Variants in SRP54 observed in about 807,000 individuals in gnomAD.
SRP54 encodes signal recognition particle 54.
In SRP54, 10 loss-of-function variants were observed where a neutral mutation model predicts 64.8. That is an observed-to-expected ratio of 0.15 (90% confidence interval 0.10 to 0.26). The LOEUF is 0.26. Among genes scored for constraint, SRP54 ranks in the 10% least tolerant of loss-of-function variants. SRP54 has a pLI of 1.00. For missense variants in SRP54, 325 were observed against 613.7 expected, an observed-to-expected ratio of 0.53 and a Z score of 4.97; for synonymous variants, 193 against 185.6, an observed-to-expected ratio of 1.04 and a Z score of -0.32.
Position 35,007,636 on chromosome 14 carries a change from ATATTAT to A in SRP54, c.360+250_360+255del, listed in dbSNP as rs2044282866. Among the ~76,000 whole-genome samples the A allele has an allele frequency of 2.5e-5, 3 of 118,898 alleles. No homozygotes were observed. The Admixed American group carries it at 2.5e-4, about 10-fold the overall frequency. The allele number at this position is 118,898 out of a possible 152,430, so 78.0% of individuals were successfully genotyped here. On this transcript the variant is annotated intron_variant, in intron 5 of 15. Coordinates refer to ENST00000216774, the MANE Select transcript of SRP54 (RefSeq NM_003136.4). Reference sequence around the variant, plus strand: ...AAATATATTTTATTAAAATATATTTATATTATAATAAAATATATTTACATAAAATAG... The same window carrying A: ...AAATATATTTTATTAAAATATATTTAAATAAAATATATTTACATAAAATAG...
chr14:34,996,006 A>T (rs1280218446), intron 1 of SRP54, among the ~76,000 whole-genome samples: 2 of 151,134 alleles, frequency 1.3e-5, no homozygotes, highest in East Asian at 3.9e-4. Flanking sequence ...TTGAGGCTGC[A>T]GTCAGCTGTG....
chr14:34,985,016 A>G (rs950514415), intron 1 of SRP54, among the ~76,000 whole-genome samples: 5 of 151,528 alleles, frequency 3.3e-5, no homozygotes, highest in Non-Finnish European at 7.4e-5. Context: ...ATTTTGTGAT[A>G]CAAGTAGGTT....
At position 35,029,227 on chromosome 14, in the gene SRP54, C is replaced by T. The variant is rs373989770; in HGVS notation, c.*75C>T. ...GACCTCAGCGTTTCCCTTCTTTTTG[C>T]GAATTGGGGGGAAAGTGTATTTTTC... On this transcript the variant is annotated 3_prime_UTR_variant, in exon 16 of 16. Transcript: ENST00000216774. 9.3e-4 allele frequency: 1,054 copies of T among 1,139,050 alleles called. 22 individuals are homozygous for T. The South Asian group carries it at 0.013, about 14-fold the overall frequency. The allele number at this position is 1,139,050 out of a possible 1,614,324, so 70.6% of individuals were successfully genotyped here.
chr14:34,997,962 G>A (rs546982828), intron 2 of SRP54, among the ~76,000 whole-genome samples: 26 of 152,194 alleles, frequency 1.7e-4, no homozygotes, highest in African/African-American at 6.0e-4. Flanking sequence ...GGAAACCAGG[G>A]GAGGAGTTCT....
At chr14:34,988,560 C>CAAAAAAAAAAAA (rs1160365086) in intron 1 of SRP54, among the ~76,000 whole-genome samples, 6 of 26,352 alleles carry the variant, frequency 2.3e-4, no homozygotes, top group African/African-American at 3.2e-4. Context: ...GACTCCATCT[C>CAAAAAAAAAAAA]AAAAAAAAAA....
intron 10 of SRP54, among the ~76,000 whole-genome samples, chr14:35,014,416 T>TA (rs1459652157): frequency 6.6e-6 from 1 of 152,120 alleles, no homozygotes; most frequent in Non-Finnish European, 1.5e-5. Context: ...TAGCTGGGAT[T>TA]ACAGGCGTGC....
chr14:35,007,319 A>C lies in SRP54; in HGVS notation c.292A>C (p.Lys98Gln). The stretch of plus-strand genomic sequence containing the variant: ...TGGAGTTAAGGCATGGACACCCACT[A>C]AAGGAAAACAAAATGTGATTATGTT... ...DPGVKAWTPTKGKQNVIMFVG... is the reference protein window; with the variant it reads ...DPGVKAWTPTQGKQNVIMFVG... The change falls in exon 5 of 16, where the codon AAA becomes CAA. Residue 98 changes from lysine (K) to glutamine (Q), a missense_variant. By Grantham distance (53) the Lys-to-Gln change is moderately conservative (BLOSUM62 1). Transcript: ENST00000216774. The C allele has an allele frequency of 6.3e-7, 1 of 1,594,534 alleles. No homozygotes were observed.
At chr14:34,987,288 C>T (rs184851531) in intron 1 of SRP54, among the ~76,000 whole-genome samples, 4,918 of 55,196 alleles carry the variant, frequency 0.089, 211 homozygotes, top group African/African-American at 0.14. Context: ...TATATATATA[C>T]ACACACACAC....
At chr14:34,999,447 C>A in intron 2 of SRP54, 111 bp from the exon 3 acceptor site, 1 of 684,704 alleles carries the variant, frequency 1.5e-6, no homozygotes, top group Non-Finnish European at 2.5e-6. Flanking sequence ...CTGAAAAACC[C>A]AGTAGTGTGG....
At chr14:34,997,305 TC>T (rs2044086400) in intron 2 of SRP54, among the ~76,000 whole-genome samples, 1 of 152,208 alleles carries the variant, frequency 6.6e-6, no homozygotes, top group African/African-American at 2.4e-5. Context: ...AAAATACTTT[TC>T]TTCCCGGCTA....
intron 1 of SRP54, among the ~76,000 whole-genome samples, chr14:34,983,481 T>C (rs147168664): frequency 2.9e-4 from 44 of 152,364 alleles, no homozygotes; most frequent in African/African-American, 8.4e-4. Flanking sequence ...CGTTTTGCTT[T>C]CCTGAGCAAG....
intron 13 of SRP54, among the ~76,000 whole-genome samples, chr14:35,021,983 A>G (rs1209708328): frequency 2.0e-5 from 3 of 152,252 alleles, no homozygotes; most frequent in Non-Finnish European, 1.5e-5. Context: ...AACTGCGGGA[A>G]TTAATTCACT....
At chr14:35,004,962 C>T (rs1023951172) in intron 4 of SRP54, among the ~76,000 whole-genome samples, 11 of 152,180 alleles carry the variant, frequency 7.2e-5, no homozygotes, top group Admixed American at 7.2e-4. Flanking sequence ...GCTTGGCAGA[C>T]TTTCTCTCAA....
intron 4 of SRP54, among the ~76,000 whole-genome samples, chr14:35,001,726 C>T (rs1594989658): frequency 6.6e-6 from 1 of 152,018 alleles, no homozygotes; most frequent in African/African-American, 2.4e-5. Context: ...ACCATGTATC[C>T]CAATTCTTGC....
chr14:35,010,950 T>C (rs192996253), intron 7 of SRP54, among the ~76,000 whole-genome samples: 267 of 152,296 alleles, frequency 1.8e-3, no homozygotes, highest in African/African-American at 6.2e-3. Flanking sequence ...AGACATGCCA[T>C]GGTCTTGCTC....
At chr14:35,019,234 T>C in intron 13 of SRP54, 160 bp downstream of exon 13, 1 of 562,784 alleles carries the variant, frequency 1.8e-6, no homozygotes, top group Non-Finnish European at 3.2e-6. Context: ...CAAAGGGTTA[T>C]GATTATTGGA....
chr14:35,019,086 G>T lies in SRP54; in HGVS notation c.1156+12G>T. 1 of 1,589,628 alleles carries T rather than the reference G, an allele frequency of 6.3e-7. No individual in the cohort carries two copies. The highest frequency in any genetic ancestry group is 8.6e-7 in the Non-Finnish European group (1 of 1,158,910). On this transcript the variant is annotated intron_variant, in intron 13 of 15. Transcript: ENST00000216774. ...TATGAATGATCAAGGTAAGATGGCA[G>T]ATTATTTTCCTCAGGCAAAAATGTT... is the stretch of plus-strand genomic sequence containing the variant.
chr14:35,006,875 A>C (rs907321379), intron 4 of SRP54, among the ~76,000 whole-genome samples: 1 of 152,206 alleles, frequency 6.6e-6, no homozygotes, highest in Non-Finnish European at 1.5e-5. Context: ...TAGCTTTTAC[A>C]TGAAAATGTC....
Position 35,028,079 on chromosome 14 carries a change from TC to T in SRP54, c.1328-5del, listed in dbSNP as rs761221697. On this transcript the variant is annotated splice_region_variant and splice_polypyrimidine_tract_variant and intron_variant, in intron 14 of 15. Transcript: ENST00000216774. ...CGCTGACTCAAAATCTTTTTTTTTT[TC>T]CCCTCAGGTGGCGACATGTCTAAGA... The T allele has an allele frequency of 6.3e-6, 10 of 1,582,434 alleles. No homozygotes were observed. The highest frequency in any genetic ancestry group is 1.4e-5 in the African/African-American group (1 of 73,662).
Sources: allele counts gnomAD v4.1 joint callset (sites outside exome capture counted in the v4.1 genomes callset), GRCh38; gene constraint gnomAD v4.1.1; transcripts MANE v1.5; gene names NCBI Gene and HGNC (gene_info 2026-07-23, HGNC 2026-07-21).